FRMPD4: variants seen among roughly 807,000 people sequenced by gnomAD.
FRMPD4 encodes FERM and PDZ domain-containing protein 4.
FRMPD4 carries 22 observed loss-of-function variants against 94.1 expected under a neutral mutation model. The observed-to-expected ratio is 0.23, with a 90% CI of 0.17 to 0.33. The LOEUF is 0.33. Ranked by LOEUF, FRMPD4 falls within the 10% of genes least tolerant of loss-of-function variation. FRMPD4 has a pLI of 1.00. For missense variants in FRMPD4, 1,111 were observed against 1,339.9 expected (o/e 0.83, Z 2.67); for synonymous variants, 631 against 548.6 (o/e 1.15, Z -2.10).
intron 4 of FRMPD4, among the ~76,000 whole-genome samples, chrX:12,667,977 G>C (rs1243263346): frequency 8.9e-6 from 1 of 112,246 alleles, no homozygotes; most frequent in Non-Finnish European, 1.9e-5. Context: ...CTCTTCAAAA[G>C]TAGAAAATTT....
At chrX:11,975,733 C>T (rs1223894426) in intron 3 of FRMPD4, among the ~76,000 whole-genome samples, 1 of 111,476 alleles carries the variant, frequency 9.0e-6, no homozygotes, top group Non-Finnish European at 1.9e-5. Flanking sequence ...AGACTGCACA[C>T]AGCACAGCCC....
At chrX:11,941,626 G>A (rs1278076920) in intron 3 of FRMPD4, among the ~76,000 whole-genome samples, 1 of 112,263 alleles carries the variant, frequency 8.9e-6, no homozygotes, top group Non-Finnish European at 1.9e-5. Context: ...AGCTTAAAGA[G>A]AGCAGTACCT....
At chrX:12,523,469 A>C (rs1358420680) in intron 2 of FRMPD4, among the ~76,000 whole-genome samples, 1 of 111,831 alleles carries the variant, frequency 8.9e-6, no homozygotes, top group African/African-American at 3.3e-5. Flanking sequence ...AAATAATGTT[A>C]AGGTGGAGGC....
chrX:12,661,506 C>G (rs1156620743), intron 4 of FRMPD4, among the ~76,000 whole-genome samples: 4 of 111,441 alleles, frequency 3.6e-5, no homozygotes, highest in African/African-American at 1.3e-4. Context: ...TTTCTGTTAC[C>G]CTAATGACTA....
At chrX:12,238,497 A>G (rs1400278086) in intron 1 of FRMPD4, among the ~76,000 whole-genome samples, 1 of 112,187 alleles carries the variant, frequency 8.9e-6, no homozygotes, top group Non-Finnish European at 1.9e-5. Context: ...TAAATCTTTA[A>G]AAATGTGATC....
intron 1 of FRMPD4, among the ~76,000 whole-genome samples, chrX:12,177,329 A>T (rs1472425310): frequency 8.9e-6 from 1 of 112,496 alleles, no homozygotes; most frequent in African/African-American, 3.2e-5. Flanking sequence ...GAAAAAGTTT[A>T]AAAATATTCA....
At chrX:12,702,455 G>A (rs922948450) in intron 10 of FRMPD4, among the ~76,000 whole-genome samples, 3 of 111,835 alleles carry the variant, frequency 2.7e-5, no homozygotes, top group African/African-American at 6.5e-5. Context: ...GGGACTCCCC[G>A]TTGTGCTATA....
intron 1 of FRMPD4, among the ~76,000 whole-genome samples, chrX:12,187,423 G>A (rs1157620952): frequency 9.0e-6 from 1 of 111,711 alleles, no homozygotes; most frequent in Non-Finnish European, 1.9e-5. Context: ...ACAGTGACTT[G>A]ATAATACTGG....
chrX:12,526,419 G>T (rs775620118), intron 2 of FRMPD4, among the ~76,000 whole-genome samples: 1 of 112,790 alleles, frequency 8.9e-6, no homozygotes, highest in South Asian at 3.7e-4. Flanking sequence ...CTTAACACAT[G>T]CATAGATTTG....
chrX:12,440,711 G>C (rs1033452753), intron 1 of FRMPD4, among the ~76,000 whole-genome samples: 3 of 110,567 alleles, frequency 2.7e-5, no homozygotes, highest in African/African-American at 9.9e-5. Flanking sequence ...GGAGGGGGGG[G>C]AGCAGCAACA....
chrX:12,160,767 G>T (rs190023165), intron 1 of FRMPD4, among the ~76,000 whole-genome samples: 86 of 111,338 alleles, frequency 7.7e-4, no homozygotes, highest in Non-Finnish European at 1.2e-3. Context: ...GTACAAAATA[G>T]ATCAGTTTTA....
At chrX:12,433,331 A>G (rs1477394302) in intron 1 of FRMPD4, among the ~76,000 whole-genome samples, 1 of 112,201 alleles carries the variant, frequency 8.9e-6, no homozygotes, top group Non-Finnish European at 1.9e-5. Context: ...TCACATTACA[A>G]ATGATTTCCA....
intron 6 of FRMPD4, among the ~76,000 whole-genome samples, chrX:12,684,668 G>A (rs1031800615): frequency 3.6e-5 from 4 of 112,336 alleles, no homozygotes. Flanking sequence ...CAGCTGAAGG[G>A]TGGAAGGTAC....
At chrX:12,384,928 T>C (rs752508837) in intron 1 of FRMPD4, among the ~76,000 whole-genome samples, 68 of 112,303 alleles carry the variant, frequency 6.1e-4, no homozygotes, top group African/African-American at 2.1e-3. Context: ...AGAATATAAC[T>C]TGAAAAGAGG....
chrX:12,123,489 C>T (rs542268332), intron 3 of FRMPD4, among the ~76,000 whole-genome samples: 1 of 111,641 alleles, frequency 9.0e-6, no homozygotes, highest in Admixed American at 9.5e-5. Context: ...TAGCATCTCT[C>T]TCCATTGCTT....
At chrX:12,465,031 C>G (rs2057434186) in intron 1 of FRMPD4, among the ~76,000 whole-genome samples, 1 of 112,186 alleles carries the variant, frequency 8.9e-6, no homozygotes, top group Admixed American at 9.4e-5. Context: ...TCCTCCACCG[C>G]AGGTAATAAC....
At chrX:11,879,943 G>A (rs1385393627) in intron 3 of FRMPD4, among the ~76,000 whole-genome samples, 2 of 112,450 alleles carry the variant, frequency 1.8e-5, no homozygotes, top group East Asian at 5.5e-4. Flanking sequence ...GGGTCTCCAT[G>A]CTCCTCCATC....
chrX:12,374,496 T>TGG (rs1159117571), intron 1 of FRMPD4, among the ~76,000 whole-genome samples: 1 of 112,018 alleles, frequency 8.9e-6, no homozygotes, highest in East Asian at 2.8e-4. Flanking sequence ...GTCAGCTGCT[T>TGG]GCCTGGGGAG....
chrX:12,470,855 C>T (rs189138048), intron 1 of FRMPD4, among the ~76,000 whole-genome samples: 1 of 111,837 alleles, frequency 8.9e-6, no homozygotes, highest in East Asian at 2.8e-4. Context: ...CCTGTTAATA[C>T]TGAAAACAAA....
Sources: gnomAD v4.1 joint callset for allele counts (sites outside exome capture counted in the v4.1 genomes callset) on GRCh38, gnomAD v4.1.1 for gene constraint, MANE v1.5 for transcripts, NCBI Gene and HGNC (gene_info 2026-07-23, HGNC 2026-07-21) for gene names.